Variants in DNAJC10 observed in about 807,000 individuals in gnomAD.
DNAJC10 encodes the protein DnaJ heat shock protein family (Hsp40) member C10.
Under a neutral mutation model 115.0 loss-of-function variants are expected in DNAJC10, and 101 were observed. The ratio of observed to expected loss-of-function variants is 0.88; its 90% CI spans 0.75 to 1.04. The LOEUF is 1.04. DNAJC10 is among the 50% of genes least tolerant of loss of function. The pLI is 0.00. For synonymous variants in DNAJC10, 307 were observed against 301.5 expected, an observed-to-expected ratio of 1.02 and a Z score of -0.19; for missense variants, 981 against 928.8, an observed-to-expected ratio of 1.06 and a Z score of -0.73.
chr2:182,726,584 G>C (rs1693288639), intron 5 of DNAJC10, among the ~76,000 whole-genome samples: 1 of 152,134 alleles, frequency 6.6e-6, no homozygotes, highest in Admixed American at 6.5e-5. Flanking sequence ...ACATCAATCA[G>C]TGTGGCAAAC....
At chr2:182,724,949 A>C (rs566711406) in intron 5 of DNAJC10, among the ~76,000 whole-genome samples, 1 of 152,274 alleles carries the variant, frequency 6.6e-6, no homozygotes, top group East Asian at 1.9e-4. Context: ...CACTTCATAG[A>C]TAATGCACTT....
Position 182,782,713 on chromosome 2 carries a change from CTGTT to C in DNAJC10, c.*5585_*5588del, listed in dbSNP as rs1347588182. On this transcript the variant is annotated 3_prime_UTR_variant, in exon 24 of 24. Transcript: ENST00000264065. ...GGGAGTTCACTCACGATTTGGCTCT[CTGTT>C]TGTCAATTATTGGTGTATAGGAATG... 5.9e-5 allele frequency: 9 copies of C among 152,104 alleles called. No homozygotes were observed. The East Asian group carries it at 7.7e-4, about 13-fold the overall frequency. 9.4% of individuals were successfully genotyped at this position (152,104 alleles called of 1,614,324 possible). A position where few individuals can be genotyped will look rare whatever the true frequency, so the allele number is the denominator to read the frequency against.
intron 22 of DNAJC10, among the ~76,000 whole-genome samples, chr2:182,774,367 C>T (rs974495844): frequency 6.6e-6 from 1 of 152,188 alleles, no homozygotes; most frequent in African/African-American, 2.4e-5. Flanking sequence ...CTGGGAGAAC[C>T]ACCACTGTCT....
intron 22 of DNAJC10, among the ~76,000 whole-genome samples, chr2:182,767,958 C>T (rs1694458215): frequency 6.6e-6 from 1 of 152,060 alleles, no homozygotes; most frequent in Admixed American, 6.6e-5. Context: ...TTTTTCCATG[C>T]CCCAACCTCA....
intron 13 of DNAJC10, among the ~76,000 whole-genome samples, chr2:182,743,364 TTTC>T (rs1399983634): frequency 6.6e-6 from 1 of 152,204 alleles, no homozygotes; most frequent in South Asian, 2.1e-4. Context: ...AACTTCATAT[TTTC>T]TTGGGAATTC....
rs544548165 is a variant in DNAJC10 at position 182,725,865 on chromosome 2, G to A, written c.419-2711G>A. 8.6e-4 allele frequency among the ~76,000 whole-genome samples: 131 copies of A among 152,278 alleles called. 1 individual carries two copies. The highest frequency in any genetic ancestry group is 3.0e-3 in the African/African-American group (124 of 41,558). ...AGACAGCCTTCCATTGGAAGAAGAT[G>A]CTATCTGGGACTTTTTTTTCATGCC... On this transcript the variant is annotated intron_variant, in intron 5 of 23. Transcript: ENST00000264065.
chr2:182,746,183 G>A (rs1017681253), intron 14 of DNAJC10, among the ~76,000 whole-genome samples: 5 of 152,142 alleles, frequency 3.3e-5, no homozygotes, highest in African/African-American at 4.8e-5. Flanking sequence ...TGTGAATAAT[G>A]CCGCAATAAA....
intron 22 of DNAJC10, among the ~76,000 whole-genome samples, chr2:182,765,976 G>T (rs1694401217): frequency 6.6e-6 from 1 of 152,206 alleles, no homozygotes; most frequent in African/African-American, 2.4e-5. Flanking sequence ...TATTAGGCCT[G>T]TGTAAGTGTA....
At chr2:182,762,622 G>C in intron 21 of DNAJC10, 60 bp from the exon 22 acceptor site, 1 of 1,572,034 alleles carries the variant, frequency 6.4e-7, no homozygotes, top group Non-Finnish European at 8.7e-7. Flanking sequence ...CTATTGCTTT[G>C]TTGTTGCCAA....
At chr2:182,749,329 T>A (rs1245762442) in intron 14 of DNAJC10, among the ~76,000 whole-genome samples, 1 of 142,496 alleles carries the variant, frequency 7.0e-6, no homozygotes, top group Non-Finnish European at 1.5e-5. Context: ...GCTTTATGAA[T>A]CTGGGTGCTC....
rs769126048 is a variant in DNAJC10, at chr2:182,752,100, C to G, written c.1463C>G (p.Pro488Arg). The stretch of plus-strand genomic sequence containing the variant: ...TGTCCACCATGTCGAGCTTTACTAC[C>G]AGAGTTACGAAGAGCATCAAATCTT... ...PWCPPCRALL[P>R]ELRRASNLLY... The change falls in exon 16 of 24, where the codon CCA becomes CGA. Residue 488 changes from proline (P) to arginine (R), a missense_variant. Coordinates refer to ENST00000264065, the MANE Select transcript of DNAJC10 (RefSeq NM_018981.4). The G allele has an allele frequency of 1.1e-5, 18 of 1,613,540 alleles. No homozygotes were observed. In the South Asian group the frequency reaches 1.8e-4, roughly 16 times the overall value.
chr2:182,777,426 A>AAGC lies in DNAJC10; in HGVS notation c.*295_*296insGCA, dbSNP rs1694737435. 2 of 210,502 alleles carry AAGC rather than the reference A, an allele frequency of 9.5e-6. No homozygotes were observed. The highest frequency in any genetic ancestry group is 1.2e-4 in the Admixed American group (2 of 17,314). 13.0% of individuals were successfully genotyped at this position (210,502 alleles called of 1,614,324 possible). ...GTTATTTGCTTTTAACAACCTTTAA[A>AAGC]AAATATTAAAACGATTCTTAGCTCA... On this transcript the variant is annotated 3_prime_UTR_variant, in exon 24 of 24. Coordinates refer to ENST00000264065, the MANE Select transcript of DNAJC10 (RefSeq NM_018981.4).
In DNAJC10 at chr2:182,728,656, A is replaced by C; in HGVS notation, c.499A>C (p.Thr167Pro). 1 of 1,610,598 alleles carries C rather than the reference A, an allele frequency of 6.2e-7. No individual in the cohort carries two copies. Among genetic ancestry groups the C allele is most frequent in the Non-Finnish European group, 8.5e-7 (1 of 1,177,760 alleles). The stretch of plus-strand genomic sequence containing the variant: ...TTCACACTGCCATGATTTAGCTCCC[A>C]CAGTATGTATTTTTCACATCCTCAT... ...GCSHCHDLAP[T>P]WRDFAKEVDG... The change falls in exon 6 of 24, where the codon ACA becomes CCA. Residue 167 changes from threonine to proline, a missense_variant and splice_region_variant. Coordinates refer to ENST00000264065, the MANE Select transcript of DNAJC10 (RefSeq NM_018981.4).
At chr2:182,773,807 C>T (rs1374134102) in intron 22 of DNAJC10, among the ~76,000 whole-genome samples, 2 of 152,124 alleles carry the variant, frequency 1.3e-5, no homozygotes, top group Non-Finnish European at 2.9e-5. Context: ...TTTGTTATTA[C>T]CGACCTTCTG....
At chr2:182,719,368 C>T (rs1181391935) in intron 3 of DNAJC10, among the ~76,000 whole-genome samples, 1 of 150,870 alleles carries the variant, frequency 6.6e-6, no homozygotes, top group Non-Finnish European at 1.5e-5. Context: ...ATTCCCCTGC[C>T]TCACCCTCCT....
rs931509947 is a variant in DNAJC10 at position 182,787,050 on chromosome 2, T to C, written c.*9918T>C. On this transcript the variant is annotated 3_prime_UTR_variant, in exon 24 of 24. Transcript: ENST00000264065. ...ACTCAATCTGCCAGCACTTTGATAG[T>C]GGACTTCCCAGCCTCCAGAACTATG... is the stretch of plus-strand genomic sequence containing the variant. The C allele has an allele frequency of 2.0e-5, 3 of 152,526 alleles. No homozygotes were observed. Among genetic ancestry groups the C allele is most frequent in the African/African-American group, 7.2e-5 (3 of 41,468 alleles). The allele number at this position is 152,526 out of a possible 1,614,324, so 9.4% of individuals were successfully genotyped here. A position where few individuals can be genotyped will look rare whatever the true frequency, so the allele number is the denominator to read the frequency against.
At chr2:182,739,870 C>T in intron 11 of DNAJC10, 1 of 986,882 alleles carries the variant, frequency 1.0e-6, no homozygotes, top group Non-Finnish European at 1.2e-6. Flanking sequence ...GTCTATTATT[C>T]TTCCTTCTAG....
rs1559001348 is a variant in DNAJC10 at position 182,731,049 on chromosome 2, A to G, written c.747A>G (p.Ile249Met). Reference protein sequence around the residue: ...ELWTGNFVNSIQTAFAAGIGW... With the variant: ...ELWTGNFVNSMQTAFAAGIGW... ...TTTAAGGAAATTTTGTCAACTCCAT[A>G]CAAACTGCTTTTGCTGCTGGTATTG... is the stretch of plus-strand genomic sequence containing the variant. The change falls in exon 9 of 24, where the codon ATA (isoleucine) becomes ATG (methionine). Residue 249 changes from isoleucine to methionine, a missense_variant. Ile to Met is a conservative substitution (Grantham distance 10). Coordinates refer to ENST00000264065, the MANE Select transcript of DNAJC10 (RefSeq NM_018981.4). 6.2e-7 allele frequency: 1 copy of G among 1,612,906 alleles called. No individual in the cohort carries two copies. The highest frequency in any genetic ancestry group is 8.5e-7 in the Non-Finnish European group (1 of 1,179,430).
chr2:182,731,199 G>A (rs1162560470), intron 9 of DNAJC10, 92 bp downstream of exon 9: 1 of 842,694 alleles, frequency 1.2e-6, no homozygotes, highest in Non-Finnish European at 1.8e-6. Context: ...TGATTATTAA[G>A]TACTAGAAAC....
Sources: allele counts gnomAD v4.1 joint callset (sites outside exome capture counted in the v4.1 genomes callset), GRCh38; gene constraint gnomAD v4.1.1; transcripts MANE v1.5; gene names NCBI Gene and HGNC (gene_info 2026-07-23, HGNC 2026-07-21).